Variants in KLK7 observed in about 807,000 individuals in gnomAD.
KLK7 encodes kallikrein-7.
KLK7 carries 17 observed loss-of-function variants against 21.0 expected under a neutral mutation model. That is an observed-to-expected ratio of 0.81 (90% CI 0.55 to 1.21). The LOEUF is 1.21. KLK7 is among the 50% of genes most tolerant of loss of function. The pLI, the probability that KLK7 is intolerant of heterozygous loss-of-function variation, is 0.00. For synonymous variants in KLK7, 151 were observed against 134.6 expected (o/e 1.12, Z -0.85); for missense variants, 330 against 322.8 (o/e 1.02, Z -0.17).
At chr19:50,983,765 C>T in intron 1 of KLK7, 86 bp downstream of exon 1, 1 of 1,272,690 alleles carries the variant, frequency 7.9e-7, no homozygotes, top group Non-Finnish European at 1.0e-6. Flanking sequence ...TAGGCTGCAG[C>T]CCCTACCTCT....
intron 1 of KLK7, among the ~76,000 whole-genome samples, chr19:50,983,232 C>T (rs1568550353): frequency 5.1e-5 from 5 of 98,234 alleles, no homozygotes; most frequent in Non-Finnish European, 1.0e-4. Flanking sequence ...CTCCCTCAGA[C>T]CCAGGAGTCC....
In KLK7 at chr19:50,977,581, G is replaced by A. The variant is rs377551989; in HGVS notation, c.717C>T (p.Cys239=). The A allele has an allele frequency of 5.0e-6, 8 of 1,613,790 alleles. No individual in the cohort carries two copies. The highest frequency in any genetic ancestry group is 1.3e-5 in the African/African-American group (1 of 74,894). The change falls in exon 6 of 6, where the codon TGC becomes TGT. Residue 239 remains cysteine (C), a synonymous_variant. Transcript: ENST00000595820. Reference sequence around the variant, plus strand: ...TGTCATTTATCCACTTGGTGAACTTGCACACTTGAGTGTAGACTCCTGGGT... The same window carrying A: ...TGTCATTTATCCACTTGGTGAACTTACACACTTGAGTGTAGACTCCTGGGT... The part of the protein sequence containing the change: ...PNDPGVYTQV[C]KFTKWINDTM...
Position 50,977,573 on chromosome 19 carries a change from G to A in KLK7, c.725C>T (p.Thr242Ile), listed in dbSNP as rs112736390. 2,356 of 1,613,960 alleles carry A rather than the reference G, an allele frequency of 1.5e-3. 30 individuals are homozygous for A. In the African/African-American group the frequency reaches 0.027, roughly 18 times the overall value. ...PGVYTQVCKF[T>I]KWINDTMKKH... ...TTTCATGGTGTCATTTATCCACTTG[G>A]TGAACTTGCACACTTGAGTGTAGAC... The change falls in exon 6 of 6, where the codon ACC becomes ATC. Residue 242 changes from threonine (T) to isoleucine (I), a missense_variant. Thr to Ile is a moderately conservative substitution (Grantham distance 89, BLOSUM62 -1). Transcript: ENST00000595820.
At chr19:50,981,328 A>G (rs2091084302) in intron 3 of KLK7, among the ~76,000 whole-genome samples, 1 of 128,322 alleles carries the variant, frequency 7.8e-6, no homozygotes, top group African/African-American at 3.2e-5. Context: ...CACAGAGGGG[A>G]ACAGAGATCC....
In KLK7 at chr19:50,981,937, A is replaced by G. The variant is rs766411831; in HGVS notation, c.74-23T>C. 16 of 1,611,768 alleles carry G rather than the reference A, an allele frequency of 9.9e-6. No homozygotes were observed. The South Asian group carries it at 1.5e-4, about 16-fold the overall frequency. On this transcript the variant is annotated intron_variant, in intron 2 of 5. Transcript: ENST00000595820. ...GGGCTGGATGGAGACATGGAGGAGC[A>G]CGTGGGTAGCTAGCATTAGGGGAAG...
intron 4 of KLK7, 86 bp from the exon 5 acceptor site, chr19:50,980,010 G>C: frequency 6.7e-7 from 1 of 1,496,622 alleles, no homozygotes; most frequent in African/African-American, 1.4e-5. Flanking sequence ...CTGGTTCCGA[G>C]GGAGGAGGGT....
intron 1 of KLK7, chr19:50,983,641 G>T: frequency 1.8e-6 from 1 of 557,724 alleles, no homozygotes; most frequent in African/African-American, 2.0e-5. Flanking sequence ...AGGAATCTAG[G>T]CTCCGATCTT....
chr19:50,980,021 C>T, intron 4 of KLK7, 97 bp from the exon 5 acceptor site: 4 of 1,452,388 alleles, frequency 2.8e-6, no homozygotes, highest in Non-Finnish European at 3.7e-6. Context: ...GGAGGAGGGT[C>T]TGGGGCCCAG....
Position 50,977,348 on chromosome 19 carries a change from T to G in KLK7, c.*188A>C. ...CTGACTCTTCTCCAGCACTGAGGGT[T>G]TTGTGTTTCTTTATTTGTTTTGGTT... is the stretch of plus-strand genomic sequence containing the variant. On this transcript the variant is annotated 3_prime_UTR_variant, in exon 6 of 6. Coordinates refer to ENST00000595820, the MANE Select transcript of KLK7 (RefSeq NM_005046.4). 6.8e-6 allele frequency: 4 copies of G among 588,884 alleles called. No individual in the cohort carries two copies. Among genetic ancestry groups the G allele is most frequent in the Non-Finnish European group, 6.0e-6 (2 of 333,724 alleles). The allele number at this position is 588,884 out of a possible 1,614,324, so 36.5% of individuals were successfully genotyped here. A position where few individuals can be genotyped will look rare whatever the true frequency, so the allele number is the denominator to read the frequency against.
At chr19:50,982,852 G>A (rs2091101287) in intron 1 of KLK7, among the ~76,000 whole-genome samples, 2 of 78,268 alleles carry the variant, frequency 2.6e-5, no homozygotes, top group Non-Finnish European at 4.8e-5. Context: ...CCAGGTCCAA[G>A]TCCCTCCTCC....
intron 1 of KLK7, among the ~76,000 whole-genome samples, chr19:50,983,557 G>A (rs2091108598): frequency 1.4e-5 from 2 of 138,644 alleles, no homozygotes; most frequent in Admixed American, 1.5e-4. Flanking sequence ...TCCTCCCTCA[G>A]ACCCAGGAGT....
At chr19:50,982,026 G>T in intron 2 of KLK7, 112 bp from the exon 3 acceptor site, 2 of 1,155,692 alleles carry the variant, frequency 1.7e-6, no homozygotes, top group Non-Finnish European at 2.4e-6. Context: ...AAAATGTGTG[G>T]AGAAATACAG....
rs950702914 is a variant in KLK7 at position 50,983,770 on chromosome 19, A to G, written c.-59+81T>C. ...ACCGGGAGTCTAGGCTGCAGCCCCT[A>G]CCTCTCGAGAGCAGAGTCAGGCTTG... On this transcript the variant is annotated intron_variant, in intron 1 of 5. Coordinates refer to ENST00000595820, the MANE Select transcript of KLK7 (RefSeq NM_005046.4). 2.4e-5 allele frequency: 31 copies of G among 1,274,106 alleles called. No individual in the cohort carries two copies. In the African/African-American group the frequency reaches 3.7e-4, roughly 15 times the overall value. The allele number at this position is 1,274,106 out of a possible 1,614,324, so 78.9% of individuals were successfully genotyped here.
rs954565087 is a variant in KLK7 at position 50,980,412 on chromosome 19, G to A, written c.297C>T (p.Phe99=). The A allele has an allele frequency of 1.9e-6, 3 of 1,614,048 alleles. No homozygotes were observed. The highest frequency in any genetic ancestry group is 1.7e-6 in the Non-Finnish European group (2 of 1,179,978). The change falls in exon 4 of 6, where the codon TTC becomes TTT. Residue 99 remains phenylalanine, a synonymous_variant. Transcript: ENST00000595820. ...RAQRIKASKS[F]RHPGYSTQTH... The stretch of plus-strand genomic sequence containing the variant: ...TCTGTGTGGAGTAGCCGGGGTGGCG[G>A]AATGACTTCGAGGCCTTGATCCTCT...
intron 5 of KLK7, among the ~76,000 whole-genome samples, chr19:50,978,162 G>A (rs2122239890): frequency 6.6e-6 from 1 of 152,324 alleles, no homozygotes; most frequent in East Asian, 1.9e-4. Context: ...CAAGACAACA[G>A]CAGGAATGCA....
Position 50,983,881 on chromosome 19 carries a change from G to A in KLK7, c.-89C>T. 2 of 1,289,102 alleles carry A rather than the reference G, an allele frequency of 1.6e-6. No homozygotes were observed. The highest frequency in any genetic ancestry group is 2.0e-6 in the Non-Finnish European group (2 of 988,712). 79.9% of individuals were successfully genotyped at this position (1,289,102 alleles called of 1,614,324 possible). On this transcript the variant is annotated 5_prime_UTR_variant, in exon 1 of 6. Transcript: ENST00000595820. ...GAGGATCTGATGTGATCCAAGTTCC[G>A]ACTTGGGCTGGCACACAGCTGGGCT...
intron 1 of KLK7, among the ~76,000 whole-genome samples, chr19:50,982,836 A>C (rs1391616277): frequency 9.4e-6 from 1 of 105,928 alleles, no homozygotes; most frequent in African/African-American, 3.8e-5. Context: ...CCTCAGACCT[A>C]GGAGTCCAGG....
chr19:50,981,297 G>A (rs2659065), intron 3 of KLK7, among the ~76,000 whole-genome samples: 121,777 of 132,814 alleles, frequency 0.92, 55,899 homozygotes, highest in East Asian at 0.99. Flanking sequence ...ACAGAGACCC[G>A]GAGAGAGAAG....
At chr19:50,981,426 ATCCAGAGAGAGAGGGGGACAGAG>A in intron 3 of KLK7, among the ~76,000 whole-genome samples, 1 of 122,530 alleles carries the variant, frequency 8.2e-6, no homozygotes, top group Non-Finnish European at 1.6e-5. Context: ...GGGGACAGAG[ATCCAGAGAGAGAGGGGGACAGAG>A]ACCAGAGAGA....
Sources: allele counts gnomAD v4.1 joint callset (sites outside exome capture counted in the v4.1 genomes callset), GRCh38; gene constraint gnomAD v4.1.1; transcripts MANE v1.5; gene names NCBI Gene and HGNC (gene_info 2026-07-23, HGNC 2026-07-21).